The following MARCHF1 variants were observed in gnomAD, a reference collection of about 807,000 sequenced individuals.
MARCHF1 encodes E3 ubiquitin-protein ligase MARCHF1.
MARCHF1 carries 40 observed loss-of-function variants against 54.2 expected under a neutral mutation model. The ratio of observed to expected loss-of-function variants is 0.74; its 90% CI spans 0.57 to 0.96. The LOEUF is 0.96. MARCHF1 is among the 40% of genes least tolerant of loss of function. MARCHF1 has a pLI of 0.00. For synonymous variants in MARCHF1, 236 were observed against 236.3 expected (o/e 1.00, Z 0.01); for missense variants, 586 against 656.5 (o/e 0.89, Z 1.17).
intron 2 of MARCHF1, among the ~76,000 whole-genome samples, chr4:164,044,581 TA>T (rs34390488): frequency 0.16 from 24,355 of 151,620 alleles, 2,242 homozygotes; most frequent in Middle Eastern, 0.21. Context: ...ATAATTAAAA[TA>T]AATCATTCAA....
chr4:163,710,188 T>C (rs1341445094), intron 4 of MARCHF1, among the ~76,000 whole-genome samples: 2 of 152,122 alleles, frequency 1.3e-5, no homozygotes, highest in Admixed American at 6.6e-5. Flanking sequence ...TTAGGACTTT[T>C]CCCTAAGTAC....
chr4:164,093,548 A>G (rs1755347909), intron 2 of MARCHF1, among the ~76,000 whole-genome samples: 1 of 152,116 alleles, frequency 6.6e-6, no homozygotes, highest in Non-Finnish European at 1.5e-5. Context: ...ATGATACCCA[A>G]ACTATATTTC....
chr4:163,877,753 A>G (rs189598558), intron 3 of MARCHF1, among the ~76,000 whole-genome samples: 4 of 152,208 alleles, frequency 2.6e-5, no homozygotes, highest in Admixed American at 1.3e-4. Context: ...CACAGCTACC[A>G]TCTTGGATCT....
At chr4:163,867,561 G>A (rs769521275) in intron 3 of MARCHF1, among the ~76,000 whole-genome samples, 21 of 151,420 alleles carry the variant, frequency 1.4e-4, no homozygotes, top group Non-Finnish European at 2.1e-4. Flanking sequence ...TTGTATACTC[G>A]GTCCCCTTTC....
chr4:163,669,958 C>A (rs1743674701), intron 5 of MARCHF1, among the ~76,000 whole-genome samples: 1 of 152,044 alleles, frequency 6.6e-6, no homozygotes, highest in Non-Finnish European at 1.5e-5. Context: ...TCTTAATTCT[C>A]CAAAGCCTAC....
chr4:164,009,196 A>G (rs1753363983), intron 2 of MARCHF1, among the ~76,000 whole-genome samples: 1 of 152,082 alleles, frequency 6.6e-6, no homozygotes, highest in Admixed American at 6.5e-5. Flanking sequence ...CCAATAACTT[A>G]GAAAACCTAA....
intron 5 of MARCHF1, among the ~76,000 whole-genome samples, chr4:163,653,169 A>G (rs1170164627): frequency 6.6e-6 from 1 of 151,806 alleles, no homozygotes; most frequent in Non-Finnish European, 1.5e-5. Context: ...TGCATTGGAA[A>G]GAGCACTCTA....
At chr4:164,356,052 A>C (rs1416043781) in intron 1 of MARCHF1, among the ~76,000 whole-genome samples, 1 of 136,766 alleles carries the variant, frequency 7.3e-6, no homozygotes, top group African/African-American at 2.6e-5. Context: ...AATGCAAATC[A>C]AAGCCACTAT....
chr4:163,791,130 G>A (rs190523715), intron 4 of MARCHF1, among the ~76,000 whole-genome samples: 19 of 152,194 alleles, frequency 1.2e-4, no homozygotes, highest in Non-Finnish European at 2.4e-4. Flanking sequence ...TACGGTAGGA[G>A]AACATTTACT....
In MARCHF1 at chr4:164,091,410, T is replaced by TTTTA. The variant is rs145149996; in HGVS notation, c.-248+20177_-248+20178insTAAA. ...AACAGGGGATAATTTTCACCAAGTTTTATATATATATATATATATGTATAA... is the reference window on the plus strand; with the variant it reads ...AACAGGGGATAATTTTCACCAAGTTTTTTATATATATATATATATATATGTATAA... On this transcript the variant is annotated intron_variant, in intron 2 of 9. Coordinates refer to ENST00000514618, the MANE Select transcript of MARCHF1 (RefSeq NM_001394959.1). Among the ~76,000 whole-genome samples the TTTTA allele has an allele frequency of 1.9e-3, 263 of 136,920 alleles. 1 individual carries two copies. Among genetic ancestry groups the TTTTA allele is most frequent in the African/African-American group, 3.0e-3 (111 of 36,768 alleles). 89.8% of individuals were successfully genotyped at this position (136,920 alleles called of 152,430 possible).
At chr4:163,597,249 C>T (rs555897740) in intron 7 of MARCHF1, among the ~76,000 whole-genome samples, 25 of 152,294 alleles carry the variant, frequency 1.6e-4, no homozygotes, top group Non-Finnish European at 2.6e-4. Flanking sequence ...TGAACCACCA[C>T]GCCTGGCCCT....
intron 3 of MARCHF1, among the ~76,000 whole-genome samples, chr4:163,895,600 T>A (rs1750787578): frequency 6.6e-6 from 1 of 152,168 alleles, no homozygotes; most frequent in Non-Finnish European, 1.5e-5. Flanking sequence ...AAAGGACAGA[T>A]AATGCAGTAG....
chr4:163,718,592 CCAAA>C (rs1236412663), intron 4 of MARCHF1, among the ~76,000 whole-genome samples: 1 of 152,100 alleles, frequency 6.6e-6, no homozygotes. Context: ...GTAATAGTAA[CCAAA>C]CAGTCATTAT....
At chr4:163,576,405 G>A (rs564532184) in intron 8 of MARCHF1, among the ~76,000 whole-genome samples, 48 of 152,118 alleles carry the variant, frequency 3.2e-4, no homozygotes, top group African/African-American at 1.1e-3. Context: ...TCAATAGTAC[G>A]GTTGGTATGA....
At position 164,197,757 on chromosome 4, in the gene MARCHF1, A is replaced by G. The variant is rs747546313; in HGVS notation, c.-322-86095T>C. The G allele has an allele frequency of 1.9e-6, 3 of 1,610,244 alleles. No homozygotes were observed. The African/African-American group carries it at 4.0e-5, about 22-fold the overall frequency. On this transcript the variant is annotated intron_variant, in intron 1 of 9. Transcript: ENST00000514618. ...AGAGGCTCTCGTGCCAGCCGAATTC[A>G]ATCAATAAACCTCGAACCCACGGCC...
Position 163,595,087 on chromosome 4 carries a change from T to C in MARCHF1, c.1011-9158A>G, listed in dbSNP as rs144087090. Among the ~76,000 whole-genome samples the C allele has an allele frequency of 2.2e-3, 317 of 146,970 alleles. 5 individuals are homozygous for C. The highest frequency in any genetic ancestry group is 0.014 in the Admixed American group (206 of 14,278). On this transcript the variant is annotated intron_variant, in intron 7 of 9. Coordinates refer to ENST00000514618, the MANE Select transcript of MARCHF1 (RefSeq NM_001394959.1). ...ATCAATAGAGAAAGAAAATATGGTA[T>C]AAGCCAGCGAGTGGCTCATGCCTGT...
At chr4:163,853,416 CT>C (rs1749691444) in intron 4 of MARCHF1, among the ~76,000 whole-genome samples, 1 of 152,044 alleles carries the variant, frequency 6.6e-6, no homozygotes. Flanking sequence ...TTTAAAATTC[CT>C]TTTGCTAATG....
At chr4:163,807,387 C>A (rs1459217337) in intron 4 of MARCHF1, among the ~76,000 whole-genome samples, 4 of 152,100 alleles carry the variant, frequency 2.6e-5, no homozygotes, top group Admixed American at 2.6e-4. Flanking sequence ...GTTTTGGAAG[C>A]AACTTAATAC....
intron 2 of MARCHF1, among the ~76,000 whole-genome samples, chr4:164,035,533 G>A (rs1753973525): frequency 1.3e-5 from 2 of 149,908 alleles, no homozygotes; most frequent in African/African-American, 2.4e-5. Flanking sequence ...AAAGTATATT[G>A]TCTCTTTTCT....
Sources: gnomAD v4.1 joint callset for allele counts (sites outside exome capture counted in the v4.1 genomes callset) on GRCh38, gnomAD v4.1.1 for gene constraint, MANE v1.5 for transcripts, NCBI Gene and HGNC (gene_info 2026-07-23, HGNC 2026-07-21) for gene names.